Variants in GNG7 observed in about 807,000 individuals in gnomAD.
GNG7 encodes G protein subunit gamma 7.
In GNG7, 1 loss-of-function variant was observed where a neutral mutation model predicts 4.0. The ratio of observed to expected loss-of-function variants is 0.25; its 90% confidence interval spans 0.09 to 1.18. The LOEUF (loss-of-function observed/expected upper bound fraction) is 1.18. Among genes scored for constraint, GNG7 ranks in the 50% most tolerant of loss-of-function variants. The pLI is 0.50. For missense variants in GNG7, 86 were observed against 91.9 expected (o/e 0.94, Z 0.26); for synonymous variants, 34 against 36.9 (o/e 0.92, Z 0.29).
intron 2 of GNG7, among the ~76,000 whole-genome samples, chr19:2,638,792 C>T (rs1030494847): frequency 3.3e-5 from 5 of 152,082 alleles, no homozygotes; most frequent in Non-Finnish European, 7.4e-5. Context: ...CTGCTTCCTC[C>T]GTGAGCCCCA....
intron 1 of GNG7, among the ~76,000 whole-genome samples, chr19:2,647,932 G>C (rs138747573): frequency 6.7e-6 from 1 of 150,242 alleles, no homozygotes; most frequent in Non-Finnish European, 1.5e-5. Context: ...GGAGGCTGAG[G>C]CAGGAGAATC....
At chr19:2,525,380 CG>C (rs1568231591) in intron 3 of GNG7, among the ~76,000 whole-genome samples, 1 of 152,340 alleles carries the variant, frequency 6.6e-6, no homozygotes, top group South Asian at 2.1e-4. Flanking sequence ...GGACGCCGCC[CG>C]GCCCCGCGCT....
chr19:2,631,511 C>T (rs542683189), intron 2 of GNG7, among the ~76,000 whole-genome samples: 2 of 152,188 alleles, frequency 1.3e-5, no homozygotes, highest in East Asian at 3.9e-4. Flanking sequence ...TGTCTGTGGC[C>T]GTGTGCCAAT....
At chr19:2,658,000 C>T (rs1983040129) in intron 1 of GNG7, among the ~76,000 whole-genome samples, 1 of 152,118 alleles carries the variant, frequency 6.6e-6, no homozygotes, top group East Asian at 1.9e-4. Flanking sequence ...GCTCATACTC[C>T]TTACCCTGCC....
chr19:2,696,427 AAGAAAGAAAGAAAG>A (rs1408993703), intron 1 of GNG7, among the ~76,000 whole-genome samples: 5 of 151,508 alleles, frequency 3.3e-5, no homozygotes, highest in Admixed American at 1.3e-4. Flanking sequence ...GAAGGAAGGA[AAGAAAGAAAGAAAG>A]AGAAAGAAAG....
intron 2 of GNG7, among the ~76,000 whole-genome samples, chr19:2,564,800 G>C (rs983501683): frequency 4.6e-5 from 7 of 151,998 alleles, no homozygotes; most frequent in African/African-American, 9.7e-5. Flanking sequence ...AAGTAGGAGA[G>C]GAGACTGTCA....
intron 2 of GNG7, among the ~76,000 whole-genome samples, chr19:2,620,323 C>T (rs1190740867): frequency 3.3e-5 from 5 of 150,944 alleles, no homozygotes; most frequent in South Asian, 4.2e-4. Flanking sequence ...GGCTACAGGC[C>T]GTCGTCCCGA....
chr19:2,520,461 A>C (rs987788748), intron 4 of GNG7, 147 bp downstream of exon 4: 1 of 565,114 alleles, frequency 1.8e-6, no homozygotes, highest in Non-Finnish European at 3.2e-6. Context: ...ATGGAGGCTC[A>C]GAGAGGTTAA....
chr19:2,661,360 G>GAAAGAAAGAAAGAAATAAAT (rs1568277903), intron 1 of GNG7, among the ~76,000 whole-genome samples: 1 of 150,958 alleles, frequency 6.6e-6, no homozygotes, highest in African/African-American at 2.4e-5. Context: ...AAGAAAGAAA[G>GAAAGAAAGAAAGAAATAAAT]AAATGGGCCC....
intron 2 of GNG7, among the ~76,000 whole-genome samples, chr19:2,604,914 A>T (rs1338178386): frequency 6.6e-6 from 1 of 152,224 alleles, no homozygotes; most frequent in African/African-American, 2.4e-5. Flanking sequence ...CTGTCGTTGG[A>T]GTCCAAGTCC....
At chr19:2,517,290 G>A (rs941507539) in intron 4 of GNG7, among the ~76,000 whole-genome samples, 15 of 152,116 alleles carry the variant, frequency 9.9e-5, no homozygotes, top group African/African-American at 2.9e-4. Context: ...TGATTCTCCC[G>A]CCTCAGCTGG....
intron 2 of GNG7, among the ~76,000 whole-genome samples, chr19:2,561,085 C>A (rs1439277377): frequency 6.6e-6 from 1 of 152,134 alleles, no homozygotes; most frequent in Non-Finnish European, 1.5e-5. Flanking sequence ...TGGGACTCAC[C>A]TCCTCTCTCC....
intron 4 of GNG7, among the ~76,000 whole-genome samples, chr19:2,519,183 C>T (rs1350855022): frequency 2.3e-5 from 3 of 132,724 alleles, no homozygotes; most frequent in African/African-American, 5.7e-5. Context: ...TAGAGTCTCG[C>T]TCTGTTCCCC....
chr19:2,659,242 G>T (rs1027810080), intron 1 of GNG7, among the ~76,000 whole-genome samples: 24 of 150,518 alleles, frequency 1.6e-4, no homozygotes, highest in Non-Finnish European at 2.2e-4. Context: ...GTCCTGGGAT[G>T]ACAGACGTGA....
In GNG7 at chr19:2,513,286, G is replaced by A. The variant is rs114601546; in HGVS notation, c.*1736C>T. ...ACCCTCTCGGCACGGGTTCTTAGAC[G>A]CCTGTCTCCACTGGGGCCGGAGGGA... On this transcript the variant is annotated 3_prime_UTR_variant, in exon 5 of 5. Coordinates refer to ENST00000382159, the MANE Select transcript of GNG7 (RefSeq NM_052847.3). 3 of 348,276 alleles carry A rather than the reference G, an allele frequency of 8.6e-6. No homozygotes were observed. The highest frequency in any genetic ancestry group is 6.4e-5 in the Admixed American group (1 of 15,504). 21.6% of individuals were successfully genotyped at this position (348,276 alleles called of 1,614,324 possible).
intron 1 of GNG7, among the ~76,000 whole-genome samples, chr19:2,692,008 G>A (rs1262076921): frequency 2.0e-5 from 3 of 152,286 alleles, no homozygotes; most frequent in Middle Eastern, 3.4e-3. Flanking sequence ...GAGGCAGTAC[G>A]CCTCCTTCCC....
rs1371208506 is a variant in GNG7 at position 2,514,402 on chromosome 19, T to C, written c.*620A>G. On this transcript the variant is annotated 3_prime_UTR_variant, in exon 5 of 5. Transcript: ENST00000382159. Reference sequence around the variant, plus strand: ...ACCCCCACACTCCATCGTGCATTCATTGCAGGATCGTGCAGTTTAGCGACG... The same window carrying C: ...ACCCCCACACTCCATCGTGCATTCACTGCAGGATCGTGCAGTTTAGCGACG... 1 of 153,220 alleles carries C rather than the reference T, an allele frequency of 6.5e-6. No individual in the cohort carries two copies. The highest frequency in any genetic ancestry group is 2.4e-5 in the African/African-American group (1 of 41,412). The allele number at this position is 153,220 out of a possible 1,614,324, so 9.5% of individuals were successfully genotyped here.
At chr19:2,651,240 CTT>C (rs1982804504) in intron 1 of GNG7, among the ~76,000 whole-genome samples, 1 of 91,848 alleles carries the variant, frequency 1.1e-5, no homozygotes, top group East Asian at 7.2e-4. Context: ...TCCTTCCTTC[CTT>C]CCTTTCCTTC....
At chr19:2,693,331 G>A (rs1366957070) in intron 1 of GNG7, among the ~76,000 whole-genome samples, 3 of 150,346 alleles carry the variant, frequency 2.0e-5, no homozygotes, top group Non-Finnish European at 1.5e-5. Context: ...TGGGAGGATT[G>A]CTTGAGCCAG....
Sources: gnomAD v4.1 joint callset for allele counts (sites outside exome capture counted in the v4.1 genomes callset) on GRCh38, gnomAD v4.1.1 for gene constraint, MANE v1.5 for transcripts, NCBI Gene and HGNC (gene_info 2026-07-23, HGNC 2026-07-21) for gene names.